The following FAM124A variants were observed in gnomAD, a reference collection of about 807,000 sequenced individuals.
FAM124A encodes the protein protein FAM124A.
Under a neutral mutation model 24.5 loss-of-function variants are expected in FAM124A, and 23 were observed. The ratio of observed to expected loss-of-function variants is 0.94; its 90% confidence interval spans 0.68 to 1.33. FAM124A has a LOEUF of 1.33. Ranked by LOEUF, FAM124A falls within the 40% of genes most tolerant of loss-of-function variation. The pLI, the probability that FAM124A is intolerant of heterozygous loss-of-function variation, is 0.00. For synonymous variants in FAM124A, 287 were observed against 314.7 expected, an observed-to-expected ratio of 0.91 and a Z score of 0.93; for missense variants, 623 against 722.8, an observed-to-expected ratio of 0.86 and a Z score of 1.58.
Position 51,258,999 on chromosome 13 carries a change from G to A in FAM124A, c.834+6798G>A, listed in dbSNP as rs187520790. Among the ~76,000 whole-genome samples the A allele has an allele frequency of 1.0e-3, 156 of 152,302 alleles. No homozygotes were observed. The highest frequency in any genetic ancestry group is 3.6e-3 in the African/African-American group (148 of 41,564). Reference sequence around the variant, plus strand: ...TGGGCAGGACGGGGCCGGGGCAGCCGTCAGGGTTCCGAGCTGCATCTTCCC... The same window carrying A: ...TGGGCAGGACGGGGCCGGGGCAGCCATCAGGGTTCCGAGCTGCATCTTCCC... On this transcript the variant is annotated intron_variant, in intron 3 of 3. Coordinates refer to ENST00000322475, the MANE Select transcript of FAM124A (RefSeq NM_001242312.2). The surrounding 1 kb of genome is among the most constrained non-coding windows in gnomAD (Gnocchi z 4.2).
chr13:51,246,418 A>G (rs1954563086), intron 2 of FAM124A, among the ~76,000 whole-genome samples: 1 of 133,474 alleles, frequency 7.5e-6, no homozygotes. Context: ...GGGGGGTGTA[A>G]CTCTAACACC....
chr13:51,232,422 G>A (rs1954387791), intron 2 of FAM124A, among the ~76,000 whole-genome samples: 1 of 152,150 alleles, frequency 6.6e-6, no homozygotes, highest in South Asian at 2.1e-4. Context: ...ATTCTAAATA[G>A]TTCCCAAATG....
Position 51,251,635 on chromosome 13 carries a change from C to T in FAM124A, c.268C>T (p.Arg90Trp), listed in dbSNP as rs775685213. The change falls in exon 3 of 4, where the codon CGG (arginine) becomes TGG (tryptophan). Residue 90 changes from arginine to tryptophan, a missense_variant. Coordinates refer to ENST00000322475, the MANE Select transcript of FAM124A (RefSeq NM_001242312.2). This position sits in a 1 kb window ranked among gnomAD's most constrained non-coding sequence, Gnocchi z 5.3. ...RVSERRASRR[R>W]RKPPKGAQPA... ...GTCCGAGAGGCGGGCGTCCCGGCGG[C>T]GGCGGAAGCCCCCCAAGGGCGCTCA... The T allele has an allele frequency of 3.2e-6, 5 of 1,561,040 alleles. No homozygotes were observed. Among genetic ancestry groups the T allele is most frequent in the African/African-American group, 1.4e-5 (1 of 73,984 alleles).
intron 3 of FAM124A, among the ~76,000 whole-genome samples, chr13:51,260,824 G>T (rs1954728256): frequency 6.6e-6 from 1 of 152,118 alleles, no homozygotes; most frequent in East Asian, 1.9e-4. Flanking sequence ...GGAGGGTCTG[G>T]TCCAGCAGAT....
At chr13:51,232,750 C>T (rs1049141411) in intron 2 of FAM124A, among the ~76,000 whole-genome samples, 8 of 152,200 alleles carry the variant, frequency 5.3e-5, no homozygotes, top group African/African-American at 1.9e-4. Flanking sequence ...CCACCATTTC[C>T]ATTCCACTCA....
chr13:51,251,797 C>G lies in FAM124A; in HGVS notation c.430C>G (p.Leu144Val), dbSNP rs769874180. ...EQVHGRFLPYLPCSQDFFTLA... is the reference protein window; with the variant it reads ...EQVHGRFLPYVPCSQDFFTLA... ...GGTGCACGGCCGGTTCCTGCCCTAC[C>G]TGCCCTGCAGCCAGGACTTCTTCAC... The change falls in exon 3 of 4, where the codon CTG (leucine) becomes GTG (valine). Residue 144 changes from leucine (L) to valine (V), a missense_variant. By Grantham distance (32) the Leu-to-Val change is conservative. Coordinates refer to ENST00000322475, the MANE Select transcript of FAM124A (RefSeq NM_001242312.2). The surrounding 1 kb of genome is among the most constrained non-coding windows in gnomAD (Gnocchi z 5.3). The G allele has an allele frequency of 2.5e-6, 4 of 1,594,120 alleles. No homozygotes were observed. Among genetic ancestry groups the G allele is most frequent in the Non-Finnish European group, 2.6e-6 (3 of 1,170,716 alleles).
At chr13:51,250,222 A>G (rs1441635985) in intron 2 of FAM124A, among the ~76,000 whole-genome samples, 3 of 152,206 alleles carry the variant, frequency 2.0e-5, no homozygotes, top group African/African-American at 7.2e-5. Flanking sequence ...GATCAAGGTT[A>G]TGATTCTGAA....
intron 1 of FAM124A, among the ~76,000 whole-genome samples, chr13:51,227,886 C>T (rs2137643177): frequency 1.3e-5 from 2 of 152,272 alleles, no homozygotes; most frequent in South Asian, 4.1e-4. Flanking sequence ...AACAAAAAAT[C>T]AGGGGTCTAG....
rs768945945 is a variant in FAM124A at position 51,282,322 on chromosome 13, C to T, written c.*1066C>T. On this transcript the variant is annotated 3_prime_UTR_variant, in exon 4 of 4. Coordinates refer to ENST00000322475, the MANE Select transcript of FAM124A (RefSeq NM_001242312.2). ...CCAAAACGGGAAACTTTACCTGAAA[C>T]GCTCTCCTGAACAAACACCAGTGCA... 16 of 152,204 alleles carry T rather than the reference C, an allele frequency of 1.1e-4. No homozygotes were observed. Among genetic ancestry groups the T allele is most frequent in the African/African-American group, 3.9e-4 (16 of 41,448 alleles). The allele number at this position is 152,204 out of a possible 1,614,324, so 9.4% of individuals were successfully genotyped here.
intron 3 of FAM124A, among the ~76,000 whole-genome samples, chr13:51,265,521 G>A (rs1429858238): frequency 1.3e-5 from 2 of 152,172 alleles, no homozygotes; most frequent in African/African-American, 2.4e-5. Context: ...TGCAGGGAAG[G>A]GACTTCTGGG....
chr13:51,241,790 C>CGTTT (rs1566164071), intron 2 of FAM124A, among the ~76,000 whole-genome samples: 1 of 151,904 alleles, frequency 6.6e-6, no homozygotes. Flanking sequence ...CTACATTGCT[C>CGTTT]GTTTGATCAT....
Position 51,251,533 on chromosome 13 carries a change from G to A in FAM124A, c.166G>A (p.Gly56Arg), listed in dbSNP as rs535353824. Residue 56 changes from glycine (G) to arginine (R), a missense_variant, in exon 3 of 4, where the codon GGG becomes AGG. Transcript: ENST00000322475. This position sits in a 1 kb window ranked among gnomAD's most constrained non-coding sequence, Gnocchi z 5.3. ...CAGCATCCACATAATCGCAGACCCA[G>A]GGGAGTCCCAGCCCCTGCAGGAGGC... Reference protein sequence around the residue: ...LVSIHIIADPGESQPLQEAID... With the variant: ...LVSIHIIADPRESQPLQEAID... The A allele has an allele frequency of 7.9e-6, 12 of 1,520,120 alleles. No homozygotes were observed. The highest frequency in any genetic ancestry group is 6.2e-6 in the Non-Finnish European group (7 of 1,133,192). 94.2% of individuals were successfully genotyped at this position (1,520,120 alleles called of 1,614,324 possible). A position where few individuals can be genotyped will look rare whatever the true frequency, so the allele number is the denominator to read the frequency against.
At chr13:51,252,235 G>A in intron 3 of FAM124A, 34 bp downstream of exon 3, 2 of 1,596,610 alleles carry the variant, frequency 1.3e-6, no homozygotes. Context: ...CTGTTTAGGG[G>A]ACCTGAGAAA....
At chr13:51,226,999 T>C (rs1593583122) in intron 1 of FAM124A, among the ~76,000 whole-genome samples, 1 of 152,200 alleles carries the variant, frequency 6.6e-6, no homozygotes, top group African/African-American at 2.4e-5. Flanking sequence ...ACAGTGGCTG[T>C]TCAGTGTCTA....
chr13:51,235,356 A>C (rs1447748532), intron 2 of FAM124A, among the ~76,000 whole-genome samples: 1 of 152,128 alleles, frequency 6.6e-6, no homozygotes, highest in Non-Finnish European at 1.5e-5. Context: ...ATTATTTATA[A>C]ACAGGAGAAA....
In FAM124A at chr13:51,246,409, G is replaced by A. The variant is rs958542127; in HGVS notation, c.101-5059G>A. On this transcript the variant is annotated intron_variant, in intron 2 of 3. Coordinates refer to ENST00000322475, the MANE Select transcript of FAM124A (RefSeq NM_001242312.2). ...GAGGCATGTTTCTCGTGGGGTGGGG[G>A]GGGGTGTAACTCTAACACCTGATGA... is the stretch of plus-strand genomic sequence containing the variant. 7.0e-5 allele frequency among the ~76,000 whole-genome samples: 10 copies of A among 142,312 alleles called. 1 individual carries two copies. The highest frequency in any genetic ancestry group is 1.4e-4 in the Admixed American group (2 of 14,304). The allele number at this position is 142,312 out of a possible 152,430, so 93.4% of individuals were successfully genotyped here.
intron 1 of FAM124A, among the ~76,000 whole-genome samples, chr13:51,229,205 G>A (rs1047602868): frequency 4.6e-5 from 7 of 152,234 alleles, no homozygotes; most frequent in African/African-American, 1.7e-4. Context: ...CATCCGTCAC[G>A]GAGAGAGGGG....
rs1427218544 is a variant in FAM124A, at chr13:51,258,100, C to A, written c.834+5899C>A. Reference sequence around the variant, plus strand: ...TGGCCTTCCTTGGTGTGTGGAAGCACCAGCTTGGTCTCTGTTTTCACGTTC... The same window carrying A: ...TGGCCTTCCTTGGTGTGTGGAAGCAACAGCTTGGTCTCTGTTTTCACGTTC... On this transcript the variant is annotated intron_variant, in intron 3 of 3. Transcript: ENST00000322475. The surrounding 1 kb of genome is among the most constrained non-coding windows in gnomAD (Gnocchi z 4.2). Among the ~76,000 whole-genome samples, 2 of 152,208 alleles carry A rather than the reference C, an allele frequency of 1.3e-5. No homozygotes were observed. Among genetic ancestry groups the A allele is most frequent in the African/African-American group, 4.8e-5 (2 of 41,452 alleles).
At chr13:51,235,547 G>T (rs1954427246) in intron 2 of FAM124A, among the ~76,000 whole-genome samples, 1 of 152,118 alleles carries the variant, frequency 6.6e-6, no homozygotes, top group Admixed American at 6.5e-5. Context: ...GACATTTTTT[G>T]AAGATATCTA....
Sources: gnomAD v4.1 joint callset for allele counts (sites outside exome capture counted in the v4.1 genomes callset) on GRCh38, gnomAD v4.1.1 for gene constraint, Gnocchi (gnomAD v3.1) non-coding constraint, MANE v1.5 for transcripts, NCBI Gene and HGNC (gene_info 2026-07-23, HGNC 2026-07-21) for gene names.